The following ST6GALNAC4 variants were observed in gnomAD, a reference collection of about 807,000 sequenced individuals.
The protein encoded by ST6GALNAC4 is ST6 N-acetylgalactosaminide alpha-2,6-sialyltransferase 4, also known as alpha-N-acetyl-neuraminyl-2,3-beta-galactosyl-1,3-N-acetyl-galactosaminide alpha-2,6-sialyltransferase.
Under a neutral mutation model 30.4 loss-of-function variants are expected in ST6GALNAC4, and 24 were observed. That is an observed-to-expected ratio of 0.79 (90% CI 0.57 to 1.11). The LOEUF is 1.11. ST6GALNAC4 is among the 50% of genes most tolerant of loss of function. ST6GALNAC4 has a pLI of 0.00. For synonymous variants in ST6GALNAC4, 156 were observed against 179.7 expected, an observed-to-expected ratio of 0.87 and a Z score of 1.05; for missense variants, 365 against 430.1, an observed-to-expected ratio of 0.85 and a Z score of 1.34.
chr9:127,910,691 C>T (rs1405485841), intron 4 of ST6GALNAC4, among the ~76,000 whole-genome samples: 1 of 152,192 alleles, frequency 6.6e-6, no homozygotes, highest in Non-Finnish European at 1.5e-5. Context: ...AGCCAAGGGC[C>T]ACCCCTCTCA....
intron 5 of ST6GALNAC4, 133 bp downstream of exon 5, chr9:127,909,818 A>C: frequency 2.4e-6 from 2 of 831,628 alleles, no homozygotes. Context: ...CGCAAGGGGT[A>C]TCTGTGCTAT....
chr9:127,910,281 C>A, intron 4 of ST6GALNAC4: 1 of 1,330,738 alleles, frequency 7.5e-7, no homozygotes, highest in Non-Finnish European at 9.7e-7. Context: ...CCTCAGCACC[C>A]AGCGGGGCTC....
Position 127,912,222 on chromosome 9 carries a change from G to A in ST6GALNAC4, c.611+46C>T, listed in dbSNP as rs746214991. On this transcript the variant is annotated intron_variant, in intron 4 of 5. Coordinates refer to ENST00000335791, the MANE Select transcript of ST6GALNAC4 (RefSeq NM_175039.4). ...GGACAAGAGACTCCCAGAGAAGGAAGGCCCCAGCTGCCAGAGAGACCCCAG... is the reference window on the plus strand; with the variant it reads ...GGACAAGAGACTCCCAGAGAAGGAAAGCCCCAGCTGCCAGAGAGACCCCAG... The A allele has an allele frequency of 3.9e-5, 61 of 1,563,294 alleles. No individual in the cohort carries two copies. In the South Asian group the frequency reaches 5.7e-4, roughly 15 times the overall value.
intron 4 of ST6GALNAC4, among the ~76,000 whole-genome samples, chr9:127,911,361 C>G (rs535987784): frequency 8.5e-5 from 13 of 152,272 alleles, no homozygotes; most frequent in Admixed American, 4.6e-4. Context: ...CAGTGGAGAG[C>G]AGGTGTGTGG....
Position 127,908,390 on chromosome 9 carries a change from AG to A in ST6GALNAC4, c.*1del, listed in dbSNP as rs1385134860. 1.3e-6 allele frequency: 2 copies of A among 1,538,900 alleles called. No homozygotes were observed. The highest frequency in any genetic ancestry group is 2.5e-5 in the South Asian group (2 of 81,580). The stretch of plus-strand genomic sequence containing the variant: ...GCATGGCGACTGGCAGGACGACGGA[AG>A]CTACTCAGTCCTCCAGGACGGATGG... On this transcript the variant is annotated 3_prime_UTR_variant, in exon 6 of 6. Transcript: ENST00000335791.
chr9:127,910,431 G>A (rs1434082452), intron 4 of ST6GALNAC4: 10 of 1,054,234 alleles, frequency 9.5e-6, no homozygotes, highest in Non-Finnish European at 1.1e-5. Context: ...TTGAAGTCAG[G>A]TGGGGGTTCT....
rs1032201612 is a variant in ST6GALNAC4 at position 127,912,533 on chromosome 9, C to G, written c.346G>C (p.Gly116Arg). 6.2e-7 allele frequency: 1 copy of G among 1,613,612 alleles called. No homozygotes were observed. Among genetic ancestry groups the G allele is most frequent in the African/African-American group, 1.3e-5 (1 of 74,936 alleles). ...ACGACACGCAGGGTGCTGCGCTGGC[C>G]CACATCCGCCTCAAAGCCCACGGTG... is the stretch of plus-strand genomic sequence containing the variant. ...APTVGFEADV[G>R]QRSTLRVVSH... Residue 116 changes from glycine (G) to arginine (R), a missense_variant, in exon 4 of 6, where the codon GGC becomes CGC. Transcript: ENST00000335791.
intron 5 of ST6GALNAC4, among the ~76,000 whole-genome samples, chr9:127,909,469 G>T (rs1831024104): frequency 6.7e-6 from 1 of 149,420 alleles, no homozygotes; most frequent in Non-Finnish European, 1.5e-5. Flanking sequence ...ATATCATGCT[G>T]GTATTATAAT....
chr9:127,910,173 CG>C, intron 4 of ST6GALNAC4, 115 bp from the exon 5 acceptor site: 1 of 1,290,980 alleles, frequency 7.7e-7, no homozygotes, highest in Non-Finnish European at 1.0e-6. Flanking sequence ...CAACCTCTTG[CG>C]GGGGGCTCTG....
Position 127,909,937 on chromosome 9 carries a change from C to A in ST6GALNAC4, c.719+14G>T. On this transcript the variant is annotated intron_variant, in intron 5 of 5. Coordinates refer to ENST00000335791, the MANE Select transcript of ST6GALNAC4 (RefSeq NM_175039.4). ...CTCCCCGCGTCCCCGCGTGCCCGGC[C>A]TGGCCGGTCTGACCTGCAGTAGCTG... is the stretch of plus-strand genomic sequence containing the variant. 6.2e-7 allele frequency: 1 copy of A among 1,612,756 alleles called. No individual in the cohort carries two copies.
chr9:127,915,531 T>C (rs573886265), intron 2 of ST6GALNAC4, among the ~76,000 whole-genome samples: 1 of 152,366 alleles, frequency 6.6e-6, no homozygotes, highest in East Asian at 1.9e-4. Context: ...AGCTGGTGCC[T>C]GGAGGCTACC....
At chr9:127,908,725 G>A (rs1588672816) in intron 5 of ST6GALNAC4, 144 bp from the exon 6 acceptor site, 1 of 612,612 alleles carries the variant, frequency 1.6e-6, no homozygotes. Flanking sequence ...AGACACATAG[G>A]GGAGTAGCAG....
At chr9:127,911,951 CAG>C (rs1325142642) in intron 4 of ST6GALNAC4, among the ~76,000 whole-genome samples, 1 of 152,254 alleles carries the variant, frequency 6.6e-6, no homozygotes, top group East Asian at 1.9e-4. Context: ...GAAGGGATAT[CAG>C]AGACCAAGTT....
At position 127,908,511 on chromosome 9, in the gene ST6GALNAC4, G is replaced by C; in HGVS notation, c.790C>G (p.Leu264Val). ...CTTCGGGGCGCCTGCTCGTGTGCCA[G>C]GTACATCTGACACTCATCTAGCCGG... The part of the protein sequence containing the change: ...KGRLDECQMY[L>V]AHEQAPRSAH... Residue 264 changes from leucine (L) to valine (V), a missense_variant, in exon 6 of 6, where the codon CTG (leucine) becomes GTG (valine). Coordinates refer to ENST00000335791, the MANE Select transcript of ST6GALNAC4 (RefSeq NM_175039.4). The C allele has an allele frequency of 4.3e-6, 7 of 1,609,830 alleles. No homozygotes were observed. Among genetic ancestry groups the C allele is most frequent in the Non-Finnish European group, 5.9e-6 (7 of 1,176,844 alleles).
Position 127,917,024 on chromosome 9 carries a change from C to T in ST6GALNAC4, c.-274G>A, listed in dbSNP as rs1479017174. On this transcript the variant is annotated 5_prime_UTR_variant, in exon 1 of 6. Coordinates refer to ENST00000335791, the MANE Select transcript of ST6GALNAC4 (RefSeq NM_175039.4). ...GCCGACTGGGCTGGAAGCTGATCCG[C>T]GCGGCCAGAGGCAGGGGGCGGGGCC... The T allele has an allele frequency of 6.5e-6, 1 of 152,984 alleles. No homozygotes were observed. The highest frequency in any genetic ancestry group is 1.5e-5 in the Non-Finnish European group (1 of 68,046). The allele number at this position is 152,984 out of a possible 1,614,324, so 9.5% of individuals were successfully genotyped here. A position where few individuals can be genotyped will look rare whatever the true frequency, so the allele number is the denominator to read the frequency against.
At chr9:127,913,113 C>T (rs75836714) in intron 3 of ST6GALNAC4, among the ~76,000 whole-genome samples, 7,517 of 152,328 alleles carry the variant, frequency 0.049, 500 homozygotes, top group East Asian at 0.33. Flanking sequence ...CTGCACATGC[C>T]TCACCCACAC....
intron 2 of ST6GALNAC4, among the ~76,000 whole-genome samples, chr9:127,915,453 T>C (rs1307844035): frequency 1.3e-5 from 2 of 152,122 alleles, no homozygotes; most frequent in Non-Finnish European, 2.9e-5. Context: ...CGGATCTGGG[T>C]CAGCAGGCCA....
Position 127,912,234 on chromosome 9 carries a change from C to T in ST6GALNAC4, c.611+34G>A, listed in dbSNP as rs576515892. The T allele has an allele frequency of 1.4e-4, 213 of 1,576,710 alleles. 2 individuals are homozygous for T. The South Asian group carries it at 1.9e-3, about 14-fold the overall frequency. On this transcript the variant is annotated intron_variant, in intron 4 of 5. Transcript: ENST00000335791. ...CCCAGAGAAGGAAGGCCCCAGCTGC[C>T]AGAGAGACCCCAGCAGGCAGGCCCC...
At position 127,912,466 on chromosome 9, in the gene ST6GALNAC4, T is replaced by G; in HGVS notation, c.413A>C (p.His138Pro). 1 of 1,613,952 alleles carries G rather than the reference T, an allele frequency of 6.2e-7. No homozygotes were observed. Among genetic ancestry groups the G allele is most frequent in the Non-Finnish European group, 8.5e-7 (1 of 1,179,906 alleles). ...CGTGTCTCGGGCCTTCTGGAAGTAG[T>G]GTGAATAGTTGCGCAGCAGCAGCGG... ...SVPLLLRNYS[H>P]YFQKARDTLY... Residue 138 changes from histidine (H) to proline (P), a missense_variant, in exon 4 of 6, where the codon CAC becomes CCC. Physicochemically the swap from His to Pro is moderately conservative, Grantham distance 77. Coordinates refer to ENST00000335791, the MANE Select transcript of ST6GALNAC4 (RefSeq NM_175039.4).
Sources: gnomAD v4.1 joint callset for allele counts (sites outside exome capture counted in the v4.1 genomes callset) on GRCh38, gnomAD v4.1.1 for gene constraint, MANE v1.5 for transcripts, NCBI Gene and HGNC (gene_info 2026-07-23, HGNC 2026-07-21) for gene names.